CDH19: variants seen among roughly 807,000 people sequenced by gnomAD.
The protein encoded by CDH19 is cadherin 19.
Under a neutral mutation model 64.2 loss-of-function variants are expected in CDH19, and 67 were observed. The observed-to-expected ratio is 1.04, with a 90% CI of 0.86 to 1.28. The LOEUF is 1.28. CDH19 is among the 50% of genes most tolerant of loss of function. The pLI is 0.00. For missense variants in CDH19, 1,030 were observed against 929.0 expected, an observed-to-expected ratio of 1.11 and a Z score of -1.41; for synonymous variants, 346 against 319.3, an observed-to-expected ratio of 1.08 and a Z score of -0.89.
rs1598965132 is a variant in CDH19, at chr18:66,509,258, A to C, written c.1577-12T>G. 1 of 1,609,346 alleles carries C rather than the reference A, an allele frequency of 6.2e-7. No individual in the cohort carries two copies. Among genetic ancestry groups the C allele is most frequent in the Non-Finnish European group, 8.5e-7 (1 of 1,177,206 alleles). Reference sequence around the variant, plus strand: ...GACAGCTGTGTTATCTAAAACAAAAATCCATGTGCATAATTTTTTCAACTA... The same window carrying C: ...GACAGCTGTGTTATCTAAAACAAAACTCCATGTGCATAATTTTTTCAACTA... On this transcript the variant is annotated splice_polypyrimidine_tract_variant and intron_variant, in intron 10 of 11. Transcript: ENST00000262150.
intron 9 of CDH19, among the ~76,000 whole-genome samples, chr18:66,518,305 C>G (rs773728532): frequency 6.6e-6 from 1 of 152,046 alleles, no homozygotes; most frequent in Non-Finnish European, 1.5e-5. Flanking sequence ...GCGATCTCGG[C>G]TCACTACAAC....
intron 9 of CDH19, among the ~76,000 whole-genome samples, chr18:66,524,171 A>AT (rs913435873): frequency 1.3e-5 from 2 of 151,776 alleles, no homozygotes; most frequent in African/African-American, 2.4e-5. Context: ...TAGATAGCTT[A>AT]TTTTTTTCTT....
chr18:66,509,332 A>G, intron 10 of CDH19, 86 bp from the exon 11 acceptor site: 1 of 1,148,370 alleles, frequency 8.7e-7, no homozygotes, highest in Non-Finnish European at 1.2e-6. Flanking sequence ...GGACAATAGT[A>G]TAGAGATATG....
chr18:66,600,102 T>C (rs1989002026), intron 1 of CDH19, among the ~76,000 whole-genome samples: 1 of 151,966 alleles, frequency 6.6e-6, no homozygotes, highest in Admixed American at 6.6e-5. Flanking sequence ...TACTTTCTTT[T>C]AGTACTTAAA....
intron 2 of CDH19, 78 bp downstream of exon 2, chr18:66,571,929 CTCA>C: frequency 2.0e-6 from 2 of 986,648 alleles, no homozygotes; most frequent in Non-Finnish European, 3.0e-6. Flanking sequence ...AAATGTGGAA[CTCA>C]TCAAATCTCC....
At chr18:66,567,904 C>T (rs1046799517) in intron 3 of CDH19, among the ~76,000 whole-genome samples, 2 of 151,766 alleles carry the variant, frequency 1.3e-5, no homozygotes, top group Admixed American at 1.3e-4. Context: ...TTAACAACAA[C>T]AACACTGGGT....
intron 3 of CDH19, among the ~76,000 whole-genome samples, chr18:66,560,325 A>G (rs1987674451): frequency 6.6e-6 from 1 of 152,088 alleles, no homozygotes; most frequent in Non-Finnish European, 1.5e-5. Flanking sequence ...AACATCAGGG[A>G]AACTTTTCAG....
chr18:66,529,941 G>T lies in CDH19; in HGVS notation c.1362C>A (p.Ile454=), dbSNP rs1487852201. The T allele has an allele frequency of 1.3e-6, 2 of 1,549,640 alleles. No homozygotes were observed. The highest frequency in any genetic ancestry group is 1.7e-5 in the Admixed American group (1 of 57,654). ...TGTTAAGAACTTGCACATACAGTGG[G>T]ATCGAAGAGATCTGTTCTATATTGT... The part of the protein sequence containing the change: ...EKYNIEQISS[I]PLYVQVLNIN... Residue 454 remains isoleucine (I), a synonymous_variant, in exon 9 of 12, where the codon ATC becomes ATA. Transcript: ENST00000262150.
intron 1 of CDH19, among the ~76,000 whole-genome samples, chr18:66,592,246 T>C (rs768794371): frequency 3.4e-4 from 52 of 151,966 alleles, no homozygotes; most frequent in Middle Eastern, 6.8e-3. Flanking sequence ...TTTGTACATA[T>C]TCAAATATGA....
chr18:66,521,494 T>A (rs1985979498), intron 9 of CDH19, among the ~76,000 whole-genome samples: 1 of 144,958 alleles, frequency 6.9e-6, no homozygotes, highest in African/African-American at 2.6e-5. Context: ...TTCTCACTTA[T>A]CTCTGGCCTT....
chr18:66,504,894 C>A lies in CDH19; in HGVS notation c.2237G>T (p.Ser746Ile), dbSNP rs770730409. The part of the protein sequence containing the change: ...LESAVSDQDE[S>I]YDYLNELGPR... ...TCCCAACTCATTAAGGTAATCATAG[C>A]TTTCATCCTGATCAGAGACTGCTGA... The change falls in exon 12 of 12, where the codon AGC becomes ATC. Residue 746 changes from serine to isoleucine, a missense_variant. Ser to Ile is a moderately radical substitution (Grantham distance 142). Transcript: ENST00000262150. The A allele has an allele frequency of 2.5e-6, 4 of 1,613,438 alleles. No individual in the cohort carries two copies. The highest frequency in any genetic ancestry group is 2.2e-5 in the South Asian group (2 of 91,068).
At chr18:66,585,899 T>C (rs917469014) in intron 1 of CDH19, among the ~76,000 whole-genome samples, 1 of 152,058 alleles carries the variant, frequency 6.6e-6, no homozygotes. Flanking sequence ...ATATATAAGC[T>C]GAAAATGAGC....
In CDH19 at chr18:66,529,898, C is replaced by CAGG; in HGVS notation, c.1402_1404dup (p.Pro468dup). On this transcript the variant is annotated inframe_insertion, in exon 9 of 12. Transcript: ENST00000262150. ...TAAGTCTCATAGTATTGAGAGAACTCAGGAGCATGATCATTGATGTTAAGA... is the reference window on the plus strand; with the variant it reads ...TAAGTCTCATAGTATTGAGAGAACTCAGGAGGAGCATGATCATTGATGTTAAGA... 1 of 1,592,792 alleles carries CAGG rather than the reference C, an allele frequency of 6.3e-7. No homozygotes were observed. Among genetic ancestry groups the CAGG allele is most frequent in the Admixed American group, 1.7e-5 (1 of 58,956 alleles).
rs116089114 is a variant in CDH19 at position 66,574,677 on chromosome 18, C to T, written c.-112-2361G>A. Reference sequence around the variant, plus strand: ...CAATGAAATTTAGAAACTCATACATCCAAAATGTTTAACAAAACTTAAGCA... The same window carrying T: ...CAATGAAATTTAGAAACTCATACATTCAAAATGTTTAACAAAACTTAAGCA... On this transcript the variant is annotated intron_variant, in intron 1 of 11. Coordinates refer to ENST00000262150, the MANE Select transcript of CDH19 (RefSeq NM_021153.4). Among the ~76,000 whole-genome samples the T allele has an allele frequency of 8.0e-3, 1,213 of 151,624 alleles. 10 individuals carry two copies. Among genetic ancestry groups the T allele is most frequent in the African/African-American group, 0.027 (1,136 of 41,434 alleles).
chr18:66,548,937 C>G (rs908288257), intron 5 of CDH19, among the ~76,000 whole-genome samples: 1 of 152,086 alleles, frequency 6.6e-6, no homozygotes, highest in Non-Finnish European at 1.5e-5. Flanking sequence ...GGACGCTGTT[C>G]ACACAAGGGA....
At chr18:66,589,303 G>T (rs1988675319) in intron 1 of CDH19, among the ~76,000 whole-genome samples, 1 of 150,856 alleles carries the variant, frequency 6.6e-6, no homozygotes, top group Non-Finnish European at 1.5e-5. Context: ...CAACATGAAG[G>T]ATTACATATT....
At chr18:66,560,813 A>T (rs1157555242) in intron 3 of CDH19, among the ~76,000 whole-genome samples, 1 of 152,096 alleles carries the variant, frequency 6.6e-6, no homozygotes, top group Non-Finnish European at 1.5e-5. Flanking sequence ...GTCTCTCTTC[A>T]TTCATTTGAT....
rs150073323 is a variant in CDH19, at chr18:66,579,825, G to C, written c.-112-7509C>G. On this transcript the variant is annotated intron_variant, in intron 1 of 11. Coordinates refer to ENST00000262150, the MANE Select transcript of CDH19 (RefSeq NM_021153.4). ...AGATGATAATGAGAAAGTATTGCCA[G>C]TTTTTTTGGTCATTGAATGTTTCTT... Among the ~76,000 whole-genome samples the C allele has an allele frequency of 8.6e-3, 1,303 of 152,008 alleles. 30 individuals are homozygous for C. The highest frequency in any genetic ancestry group is 0.03 in the African/African-American group (1,237 of 41,510).
At chr18:66,540,873 A>C (rs192965423) in intron 7 of CDH19, among the ~76,000 whole-genome samples, 1 of 152,276 alleles carries the variant, frequency 6.6e-6, no homozygotes, top group East Asian at 1.9e-4. Flanking sequence ...GATAAAATAA[A>C]AATTTTAAGA....
Sources: gnomAD v4.1 joint callset for allele counts (sites outside exome capture counted in the v4.1 genomes callset) on GRCh38, gnomAD v4.1.1 for gene constraint, MANE v1.5 for transcripts, NCBI Gene and HGNC (gene_info 2026-07-23, HGNC 2026-07-21) for gene names.